CASD1: variants seen among roughly 807,000 people sequenced by gnomAD.
CASD1 encodes the protein N-acetylneuraminate (7)9-O-acetyltransferase.
Under a neutral mutation model 100.0 loss-of-function variants are expected in CASD1, and 41 were observed. That is an observed-to-expected ratio of 0.41 (90% confidence interval 0.32 to 0.53). The LOEUF (loss-of-function observed/expected upper bound fraction) is 0.53. Among genes scored for constraint, CASD1 ranks in the 20% least tolerant of loss-of-function variants. CASD1 has a pLI of 0.25. For missense variants in CASD1, 774 were observed against 948.7 expected, an observed-to-expected ratio of 0.82 and a Z score of 2.42; for synonymous variants, 321 against 315.6, an observed-to-expected ratio of 1.02 and a Z score of -0.18.
Position 94,545,556 on chromosome 7 carries a change from T to C in CASD1, c.1488T>C (p.Arg496=). 6.2e-7 allele frequency: 1 copy of C among 1,602,430 alleles called. No homozygotes were observed. The highest frequency in any genetic ancestry group is 8.5e-7 in the Non-Finnish European group (1 of 1,173,120). The change falls in exon 12 of 18, where the codon CGT becomes CGC. Residue 496 remains arginine, a synonymous_variant. Coordinates refer to ENST00000297273, the MANE Select transcript of CASD1 (RefSeq NM_022900.5). ...GIYRVCQVLF[R]LNFLVVVLCI... is the part of the protein sequence containing the mutation. The stretch of plus-strand genomic sequence containing the variant: ...CTCCTTTTCAATAGGTTTTATTTCG[T>C]CTCAATTTCCTGGTAGTGGTGTTAT...
At chr7:94,541,130 C>G (rs1222340306) in intron 10 of CASD1, among the ~76,000 whole-genome samples, 2 of 151,910 alleles carry the variant, frequency 1.3e-5, no homozygotes, top group South Asian at 4.2e-4. Flanking sequence ...TAACATATCC[C>G]TGTTCTTTTA....
intron 1 of CASD1, among the ~76,000 whole-genome samples, chr7:94,511,279 C>A (rs1793694560): frequency 6.6e-6 from 1 of 152,004 alleles, no homozygotes; most frequent in Non-Finnish European, 1.5e-5. Context: ...TAGCGCTGTG[C>A]CCGTTTAAAT....
At chr7:94,566,404 T>TA in the CASD1 span, among the ~76,000 whole-genome samples, 2 of 151,140 alleles carry the variant, frequency 1.3e-5, no homozygotes, top group Non-Finnish European at 2.9e-5. Context: ...ATAATACTTA[T>TA]AAAAAAGAAA....
the CASD1 span, chr7:94,618,256 C>T: frequency 6.4e-6 from 1 of 156,816 alleles, no homozygotes; most frequent in Non-Finnish European, 1.4e-5. Flanking sequence ...CAGGGTTTGC[C>T]CAGTGTCACC....
In CASD1 at chr7:94,537,818, A is replaced by T; in HGVS notation, c.1190A>T (p.Tyr397Phe). The change falls in exon 9 of 18, where the codon TAT (tyrosine) becomes TTT (phenylalanine). Residue 397 changes from tyrosine to phenylalanine, a missense_variant. This residue lies in a region of CASD1 where 453 missense variants were observed against 532.6 expected (regional missense o/e 0.85). Coordinates refer to ENST00000297273, the MANE Select transcript of CASD1 (RefSeq NM_022900.5). ...CTGTTCATGAAGGAAAACAAATTTT[A>T]TACACATTCATCTTTCTTTATTCCA... ...ANLFMKENKF[Y>F]THSSFFIPII... 6.3e-7 allele frequency: 1 copy of T among 1,595,454 alleles called. No homozygotes were observed. Among genetic ancestry groups the T allele is most frequent in the East Asian group, 2.2e-5 (1 of 44,762 alleles).
the CASD1 span, chr7:94,588,880 C>T: frequency 1.2e-6 from 1 of 817,126 alleles, no homozygotes; most frequent in Non-Finnish European, 2.0e-6. Flanking sequence ...CATGAGCTTA[C>T]AGATGAGGAA....
At chr7:94,580,614 G>A in the CASD1 span, among the ~76,000 whole-genome samples, 5 of 152,136 alleles carry the variant, frequency 3.3e-5, no homozygotes, top group African/African-American at 1.2e-4. Context: ...CACAAGTTCA[G>A]TTAGATTTGT....
intron 10 of CASD1, 117 bp from the exon 11 acceptor site, chr7:94,544,294 T>C: frequency 2.4e-6 from 3 of 1,254,796 alleles, no homozygotes; most frequent in Non-Finnish European, 3.4e-6. Flanking sequence ...AACTTTGTGA[T>C]TGAGCTGATG....
chr7:94,621,525 A>C, the CASD1 span: 2 of 152,244 alleles, frequency 1.3e-5, no homozygotes, highest in Non-Finnish European at 2.9e-5. Context: ...TGCCTTGAGT[A>C]ATCTGTATCT....
chr7:94,537,788 C>A lies in CASD1; in HGVS notation c.1160C>A (p.Ala387Glu). 1 of 1,612,526 alleles carries A rather than the reference C, an allele frequency of 6.2e-7. No individual in the cohort carries two copies. The highest frequency in any genetic ancestry group is 8.5e-7 in the Non-Finnish European group (1 of 1,178,804). Residue 387 changes from alanine (A) to glutamate (E), a missense_variant, in exon 9 of 18, where the codon GCA becomes GAA. Physicochemically the swap from Ala to Glu is moderately radical, Grantham distance 107. Around this residue, in one of 5 missense-constraint regions of CASD1, gnomAD observed 453 missense variants for 532.6 expected, o/e 0.85. Transcript: ENST00000297273. ...IMAYFYMCDRANLFMKENKFY... is the reference protein window; with the variant it reads ...IMAYFYMCDRENLFMKENKFY... The stretch of plus-strand genomic sequence containing the variant: ...GCATATTTCTATATGTGTGACCGTG[C>A]AAATCTGTTCATGAAGGAAAACAAA...
chr7:94,584,450 C>A, the CASD1 span, among the ~76,000 whole-genome samples: 1 of 152,134 alleles, frequency 6.6e-6, no homozygotes, highest in Non-Finnish European at 1.5e-5. Flanking sequence ...AATAAGAGAA[C>A]CTACATCCTC....
chr7:94,528,055 G>T, intron 4 of CASD1, 133 bp from the exon 5 acceptor site: 1 of 643,972 alleles, frequency 1.6e-6, no homozygotes, highest in Non-Finnish European at 2.7e-6. Context: ...AATTAAGATA[G>T]GAATTGAAGA....
At chr7:94,528,288 T>C in intron 5 of CASD1, 38 bp downstream of exon 5, 4 of 1,374,680 alleles carry the variant, frequency 2.9e-6, no homozygotes, top group Non-Finnish European at 4.0e-6. Context: ...TTTTTTTTTA[T>C]TTTTATTCCC....
chr7:94,632,104 A>G, the CASD1 span, among the ~76,000 whole-genome samples: 112 of 152,200 alleles, frequency 7.4e-4, no homozygotes, highest in Admixed American at 6.6e-3. Context: ...GAGGGATAGC[A>G]TTCTGTAGAT....
the CASD1 span, chr7:94,599,520 A>T: frequency 1.6e-6 from 1 of 607,468 alleles, no homozygotes; most frequent in Non-Finnish European, 2.9e-6. Context: ...AACCCTTTTT[A>T]GTTTTAGTTT....
chr7:94,539,849 A>G (rs1342565101), intron 10 of CASD1, among the ~76,000 whole-genome samples: 2 of 152,002 alleles, frequency 1.3e-5, no homozygotes, highest in South Asian at 4.2e-4. Flanking sequence ...AAAACTTCCA[A>G]CTCTCTTGCC....
chr7:94,540,088 A>G (rs1349942533), intron 10 of CASD1, among the ~76,000 whole-genome samples: 1 of 152,196 alleles, frequency 6.6e-6, no homozygotes, highest in Non-Finnish European at 1.5e-5. Context: ...TGGCAGGGCT[A>G]GAAAAAAATG....
At chr7:94,545,372 C>G (rs1795625032) in intron 11 of CASD1, among the ~76,000 whole-genome samples, 173 bp from the exon 12 acceptor site, 1 of 151,978 alleles carries the variant, frequency 6.6e-6, no homozygotes, top group African/African-American at 2.4e-5. Flanking sequence ...CAGCTCTTTA[C>G]AGTGAATGTA....
the CASD1 span, among the ~76,000 whole-genome samples, chr7:94,571,047 T>TC: frequency 2.0e-5 from 3 of 151,542 alleles, no homozygotes; most frequent in African/African-American, 7.3e-5. Context: ...CTCCTTTTTT[T>TC]TTTTTTTTTC....
Sources: allele counts gnomAD v4.1 joint callset (sites outside exome capture counted in the v4.1 genomes callset), GRCh38; gene constraint gnomAD v4.1.1; regional missense constraint gnomAD v4.1.1; transcripts MANE v1.5; gene names NCBI Gene and HGNC (gene_info 2026-07-23, HGNC 2026-07-21).